The following PHACTR1 variants were observed in gnomAD, a reference collection of about 807,000 sequenced individuals.
The protein encoded by PHACTR1 is phosphatase and actin regulator 1.
PHACTR1 carries 16 observed loss-of-function variants against 69.2 expected under a neutral mutation model. The ratio of observed to expected loss-of-function variants is 0.23; its 90% CI spans 0.16 to 0.35. PHACTR1 has a LOEUF of 0.35. Ranked by LOEUF, PHACTR1 falls within the 10% of genes least tolerant of loss-of-function variation. The probability of loss-of-function intolerance (pLI) is 1.00; values close to 1 mark genes in which losing one functional copy is unlikely to be tolerated. For missense variants in PHACTR1, 510 were observed against 734.7 expected, an observed-to-expected ratio of 0.69 and a Z score of 3.54; for synonymous variants, 312 against 284.5, an observed-to-expected ratio of 1.10 and a Z score of -0.97.
intron 7 of PHACTR1, chr6:13,184,874 T>C: frequency 7.3e-7 from 1 of 1,366,604 alleles, no homozygotes; most frequent in Non-Finnish European, 9.8e-7. Context: ...CCAGTCCTGC[T>C]ACTGCCCCCC....
At chr6:13,272,802 T>G (rs1778039964) in intron 10 of PHACTR1, 58 bp from the exon 11 acceptor site, 3 of 1,614,014 alleles carry the variant, frequency 1.9e-6, no homozygotes, top group South Asian at 2.2e-5. Flanking sequence ...CCGAGGAAAT[T>G]AATGACCCAA....
chr6:13,185,923 T>A (rs1213765925), intron 7 of PHACTR1, among the ~76,000 whole-genome samples: 2 of 152,236 alleles, frequency 1.3e-5, no homozygotes, highest in Non-Finnish European at 1.5e-5. Context: ...CTTCCAGGGC[T>A]GACAGGAATT....
intron 4 of PHACTR1, among the ~76,000 whole-genome samples, chr6:12,755,849 G>C (rs1767253078): frequency 6.6e-6 from 1 of 152,094 alleles, no homozygotes. Flanking sequence ...GATTACCAGG[G>C]AAGGTAAACA....
chr6:13,106,796 A>G (rs1429235003), intron 5 of PHACTR1, among the ~76,000 whole-genome samples: 1 of 152,002 alleles, frequency 6.6e-6, no homozygotes, highest in East Asian at 1.9e-4. Context: ...GGATGAGCAG[A>G]TGATTTTTCT....
At position 12,900,766 on chromosome 6, in the gene PHACTR1, T is replaced by G. The variant is rs541613377; in HGVS notation, c.250+150976T>G. Among the ~76,000 whole-genome samples the G allele has an allele frequency of 5.9e-5, 9 of 152,346 alleles. No homozygotes were observed. In the South Asian group the frequency reaches 1.9e-3, roughly 32 times the overall value. On this transcript the variant is annotated intron_variant, in intron 4 of 14. Transcript: ENST00000332995. Reference sequence around the variant, plus strand: ...AGTGCCTGACTTGTATATGAATTATTCTTTGCCTCATTTTTACTTTATCTA... The same window carrying G: ...AGTGCCTGACTTGTATATGAATTATGCTTTGCCTCATTTTTACTTTATCTA...
chr6:12,800,609 G>T (rs1183753430), intron 4 of PHACTR1, among the ~76,000 whole-genome samples: 1 of 152,186 alleles, frequency 6.6e-6, no homozygotes, highest in South Asian at 2.1e-4. Flanking sequence ...GTTGAAGCCA[G>T]GTGCCGTGCC....
At chr6:13,064,053 A>G (rs200282118) in intron 5 of PHACTR1, among the ~76,000 whole-genome samples, 3 of 152,158 alleles carry the variant, frequency 2.0e-5, no homozygotes, top group East Asian at 3.9e-4. Flanking sequence ...TTGTGTTGGT[A>G]ATGAGAGAAA....
In PHACTR1 at chr6:13,259,587, G is replaced by C. The variant is rs921016416; in HGVS notation, c.1392-13273G>C. Reference sequence around the variant, plus strand: ...ATGCTTTGTACTTATTTTTAAAAGGGACTTTCACATCTAATTCTCCTTTGA... The same window carrying C: ...ATGCTTTGTACTTATTTTTAAAAGGCACTTTCACATCTAATTCTCCTTTGA... On this transcript the variant is annotated intron_variant, in intron 10 of 14. Transcript: ENST00000332995. Among the ~76,000 whole-genome samples, 4 of 152,090 alleles carry C rather than the reference G, an allele frequency of 2.6e-5. No homozygotes were observed. The South Asian group carries it at 6.2e-4, about 24-fold the overall frequency.
At chr6:12,862,007 A>G (rs1780991086) in intron 4 of PHACTR1, among the ~76,000 whole-genome samples, 2 of 152,218 alleles carry the variant, frequency 1.3e-5, no homozygotes, top group South Asian at 4.1e-4. Flanking sequence ...TGTGTAAGTT[A>G]CTATGCCAAT....
chr6:13,213,552 T>G (rs1298244381), intron 8 of PHACTR1, among the ~76,000 whole-genome samples: 1 of 152,210 alleles, frequency 6.6e-6, no homozygotes, highest in Non-Finnish European at 1.5e-5. Flanking sequence ...ATGGTTTGAG[T>G]GTCTCTCCTC....
At position 12,920,680 on chromosome 6, in the gene PHACTR1, C is replaced by T. The variant is rs532731175; in HGVS notation, c.251-132685C>T. ...TAGAATTATGGTGAATGTAAAAGTA[C>T]TGTCATTATCAAAGTGCCCCTTTGA... On this transcript the variant is annotated intron_variant, in intron 4 of 14. Coordinates refer to ENST00000332995, the MANE Select transcript of PHACTR1 (RefSeq NM_030948.6). Among the ~76,000 whole-genome samples, 3 of 152,328 alleles carry T rather than the reference C, an allele frequency of 2.0e-5. No homozygotes were observed. In the East Asian group the frequency reaches 5.8e-4, roughly 29 times the overall value.
At chr6:13,079,066 T>C (rs1397427800) in intron 5 of PHACTR1, among the ~76,000 whole-genome samples, 1 of 152,200 alleles carries the variant, frequency 6.6e-6, no homozygotes, top group Non-Finnish European at 1.5e-5. Context: ...CAAGAGCAAA[T>C]TTTTTTAAGA....
intron 4 of PHACTR1, among the ~76,000 whole-genome samples, chr6:13,037,596 T>A (rs1803500008): frequency 6.6e-6 from 1 of 151,642 alleles, no homozygotes; most frequent in Non-Finnish European, 1.5e-5. Context: ...AAGACTAGAG[T>A]GAGGAGTAGA....
In PHACTR1 at chr6:12,876,349, A is replaced by G. The variant is rs1281870218; in HGVS notation, c.250+126559A>G. 2.0e-5 allele frequency among the ~76,000 whole-genome samples: 3 copies of G among 152,246 alleles called. No homozygotes were observed. The East Asian group carries it at 5.8e-4, about 29-fold the overall frequency. On this transcript the variant is annotated intron_variant, in intron 4 of 14. Transcript: ENST00000332995. ...TCCAATGACCAGACTATTATGTACAAAAGTAACAATACTCAGGTTAATATC... is the reference window on the plus strand; with the variant it reads ...TCCAATGACCAGACTATTATGTACAGAAGTAACAATACTCAGGTTAATATC...
chr6:13,150,079 G>C (rs1583592638), intron 5 of PHACTR1, among the ~76,000 whole-genome samples: 2 of 152,266 alleles, frequency 1.3e-5, no homozygotes, highest in East Asian at 3.9e-4. Context: ...GGGCACAGTG[G>C]CTCACACCTG....
chr6:12,732,634 T>C lies in PHACTR1; in HGVS notation c.103+13787T>C, dbSNP rs185799961. On this transcript the variant is annotated intron_variant, in intron 3 of 14. Transcript: ENST00000332995. ...GGATGATGGCTTCCAGCTTCATCCA[T>C]GTCCCTGCAAAGGACATGATATCAT... 3.4e-3 allele frequency among the ~76,000 whole-genome samples: 523 copies of C among 152,250 alleles called. 2 individuals are homozygous for C. Among genetic ancestry groups the C allele is most frequent in the South Asian group, 7.9e-3 (38 of 4,812 alleles).
rs1314221068 is a variant in PHACTR1 at position 13,287,398 on chromosome 6, C to T, written c.*320C>T. ...GGTCCTTGTCCTCTCCAGCCAGGCC[C>T]AGCAGGCACTACCTTCATGAAGTCT... On this transcript the variant is annotated 3_prime_UTR_variant, in exon 15 of 15. Coordinates refer to ENST00000332995, the MANE Select transcript of PHACTR1 (RefSeq NM_030948.6). 2 of 381,510 alleles carry T rather than the reference C, an allele frequency of 5.2e-6. No individual in the cohort carries two copies. The highest frequency in any genetic ancestry group is 4.7e-6 in the Non-Finnish European group (1 of 211,390). The allele number at this position is 381,510 out of a possible 1,614,324, so 23.6% of individuals were successfully genotyped here.
At chr6:13,073,343 T>TTC (rs1809856981) in intron 5 of PHACTR1, among the ~76,000 whole-genome samples, 1 of 116,514 alleles carries the variant, frequency 8.6e-6, no homozygotes, top group Non-Finnish European at 1.8e-5. Context: ...TTTTTTTTTT[T>TTC]TTTTTTTTTT....
intron 1 of PHACTR1, among the ~76,000 whole-genome samples, 193 bp downstream of exon 1, chr6:12,717,089 G>A (rs1761468699): frequency 6.6e-6 from 1 of 152,146 alleles, no homozygotes; most frequent in Non-Finnish European, 1.5e-5. Context: ...GAAGGGAAGA[G>A]TTATTTTCAG....
Sources: gnomAD v4.1 joint callset for allele counts (sites outside exome capture counted in the v4.1 genomes callset) on GRCh38, gnomAD v4.1.1 for gene constraint, MANE v1.5 for transcripts, NCBI Gene and HGNC (gene_info 2026-07-23, HGNC 2026-07-21) for gene names.